PRKCH: variants seen among roughly 807,000 people sequenced by gnomAD.
The protein encoded by PRKCH is protein kinase C eta type.
PRKCH carries 28 observed loss-of-function variants against 82.5 expected under a neutral mutation model. The observed-to-expected ratio is 0.34, with a 90% CI of 0.25 to 0.47. PRKCH has a LOEUF of 0.47. PRKCH is among the 20% of genes least tolerant of loss of function. The probability of loss-of-function intolerance (pLI) is 1.00; values close to 1 mark genes in which losing one functional copy is unlikely to be tolerated. For missense variants in PRKCH, 705 were observed against 881.8 expected (o/e 0.80, Z 2.54); for synonymous variants, 322 against 327.4 (o/e 0.98, Z 0.18).
chr14:61,401,028 A>G (rs1312824686), intron 2 of PRKCH, among the ~76,000 whole-genome samples: 2 of 152,130 alleles, frequency 1.3e-5, no homozygotes, highest in Non-Finnish European at 2.9e-5. Context: ...TCCTCAGGAT[A>G]GCATAATCCC....
Position 61,225,463 on chromosome 14 carries a change from C to T in PRKCH, c.-19+37795C>T, listed in dbSNP as rs79846424. Among the ~76,000 whole-genome samples the T allele has an allele frequency of 6.0e-3, 916 of 152,246 alleles. 31 individuals carry two copies. The East Asian group carries it at 0.1, about 17-fold the overall frequency. On this transcript the variant is annotated intron_variant, in intron 1 of 3. Coordinates refer to the PRKCH transcript ENST00000555185. Reference sequence around the variant, plus strand: ...TGGATGGACCCAAGCAGGCAGCTCCCGATGGTAAAGGCGGTGTGCTGTGAA... The same window carrying T: ...TGGATGGACCCAAGCAGGCAGCTCCTGATGGTAAAGGCGGTGTGCTGTGAA...
chr14:61,391,310 T>G, intron 2 of PRKCH, 22 bp downstream of exon 2: 4 of 1,572,136 alleles, frequency 2.5e-6, no homozygotes, highest in Non-Finnish European at 3.5e-6. Context: ...TTTTGGGTAG[T>G]TTCCAGAATA....
intron 10 of PRKCH, among the ~76,000 whole-genome samples, chr14:61,502,740 TG>T (rs1256417852): frequency 6.6e-6 from 1 of 152,082 alleles, no homozygotes; most frequent in Non-Finnish European, 1.5e-5. Flanking sequence ...TAAGAACAGA[TG>T]GGAGCAGCCC....
chr14:61,498,576 G>C (rs546690515), intron 10 of PRKCH, among the ~76,000 whole-genome samples: 1 of 152,248 alleles, frequency 6.6e-6, no homozygotes, highest in Middle Eastern at 3.4e-3. Flanking sequence ...TCTGGAGACT[G>C]GGAATTCCAA....
intron 1 of PRKCH, among the ~76,000 whole-genome samples, chr14:61,388,147 CAAAAAAAAAAAAAAAA>C (rs569642184): frequency 1.1e-5 from 1 of 87,922 alleles, no homozygotes; most frequent in Non-Finnish European, 2.4e-5. Context: ...GACTCTGTCT[CAAAAAAAAAAAAAAAA>C]AAAAAGAAAG....
chr14:61,368,487 G>T (rs1032002031), intron 1 of PRKCH, among the ~76,000 whole-genome samples: 2 of 152,034 alleles, frequency 1.3e-5, no homozygotes, highest in African/African-American at 4.8e-5. Context: ...ACTGAACTGC[G>T]AGGAAAGGCT....
chr14:61,402,461 G>C (rs1184229168), intron 2 of PRKCH, among the ~76,000 whole-genome samples: 2 of 152,144 alleles, frequency 1.3e-5, no homozygotes, highest in East Asian at 3.8e-4. Context: ...ACTTCAACTA[G>C]AACAACATTA....
In PRKCH at chr14:61,322,195, T is replaced by C. The variant is rs1054017071; in HGVS notation, c.94T>C (p.Ser32Pro). 4 of 1,612,644 alleles carry C rather than the reference T, an allele frequency of 2.5e-6. No homozygotes were observed. Among genetic ancestry groups the C allele is most frequent in the Non-Finnish European group, 1.7e-6 (2 of 1,179,550 alleles). Residue 32 changes from serine to proline, a missense_variant, in exon 1 of 14, where the codon TCG becomes CCG. Around this residue, in one of 5 missense-constraint regions of PRKCH, gnomAD observed 246 missense variants for 308.0 expected, o/e 0.80. Transcript: ENST00000332981. ...LQPTRWSLRHSLFKKGHQLLD... is the reference protein window; with the variant it reads ...LQPTRWSLRHPLFKKGHQLLD... ...GCCCACCCGCTGGTCCCTGCGCCAC[T>C]CGCTCTTCAAGAAGGGCCACCAGCT...
chr14:61,447,066 AG>A (rs1446497803), intron 4 of PRKCH, among the ~76,000 whole-genome samples: 1 of 152,178 alleles, frequency 6.6e-6, no homozygotes, highest in Non-Finnish European at 1.5e-5. Context: ...GGTTGGAGAG[AG>A]GTATGCCATT....
Position 61,322,318 on chromosome 14 carries a change from T to C in PRKCH, c.217T>C (p.Cys73Arg). The C allele has an allele frequency of 1.2e-6, 2 of 1,613,250 alleles. No homozygotes were observed. Among genetic ancestry groups the C allele is most frequent in the Non-Finnish European group, 1.7e-6 (2 of 1,179,846 alleles). Reference sequence around the variant, plus strand: ...CAAACCCACGTACAACGAGGAGTTTTGCGCTAACGTCACCGACGGCGGCCA... The same window carrying C: ...CAAACCCACGTACAACGAGGAGTTTCGCGCTAACGTCACCGACGGCGGCCA... The part of the protein sequence containing the change: ...TNKPTYNEEF[C>R]ANVTDGGHLE... Residue 73 changes from cysteine (C) to arginine (R), a missense_variant, in exon 1 of 14, where the codon TGC becomes CGC. Coordinates refer to ENST00000332981, the MANE Select transcript of PRKCH (RefSeq NM_006255.5).
At chr14:61,520,035 A>T (rs542069626) in intron 10 of PRKCH, among the ~76,000 whole-genome samples, 29 of 151,356 alleles carry the variant, frequency 1.9e-4, no homozygotes, top group African/African-American at 7.1e-4. Flanking sequence ...TTCCCTGCAC[A>T]TCTTCCTTGG....
At chr14:61,386,356 C>A (rs749225026) in intron 1 of PRKCH, among the ~76,000 whole-genome samples, 1 of 152,186 alleles carries the variant, frequency 6.6e-6, no homozygotes, top group African/African-American at 2.4e-5. Flanking sequence ...ATTTTTGAAA[C>A]ATGTCACTGG....
rs767180993 is a variant in PRKCH at position 61,547,730 on chromosome 14, C to T, written c.1762-13C>T. On this transcript the variant is annotated splice_polypyrimidine_tract_variant and intron_variant, in intron 12 of 13. Transcript: ENST00000332981. ...TGAATGAATGATTGACACTTTCTCT[C>T]TCTCTCACTCAGTTCATGACCAAGA... is the stretch of plus-strand genomic sequence containing the variant. 3.7e-6 allele frequency: 6 copies of T among 1,608,076 alleles called. No homozygotes were observed. Among genetic ancestry groups the T allele is most frequent in the Non-Finnish European group, 5.1e-6 (6 of 1,176,026 alleles).
At chr14:61,316,858 C>A (rs1161636096), upstream of PRKCH, among the ~76,000 whole-genome samples, 1 of 152,148 alleles carries the variant, frequency 6.6e-6, no homozygotes, top group Non-Finnish European at 1.5e-5. Flanking sequence ...TGATGACCAT[C>A]TTCCCTGGCT....
At chr14:61,261,976 C>G (rs1200844705) in intron 1 of PRKCH, among the ~76,000 whole-genome samples, 1 of 152,014 alleles carries the variant, frequency 6.6e-6, no homozygotes, top group Non-Finnish European at 1.5e-5. Context: ...AATCCTAGCA[C>G]TTTGGGAGGC....
chr14:61,387,162 GT>G (rs1400140815), intron 1 of PRKCH, among the ~76,000 whole-genome samples: 1 of 152,226 alleles, frequency 6.6e-6, no homozygotes, highest in Non-Finnish European at 1.5e-5. Context: ...AGGATTCCTA[GT>G]TGGACCTACT....
At chr14:61,486,706 G>A (rs1324763786) in intron 10 of PRKCH, among the ~76,000 whole-genome samples, 1 of 140,718 alleles carries the variant, frequency 7.1e-6, no homozygotes, top group African/African-American at 2.8e-5. Flanking sequence ...TTAAGACAGT[G>A]TCTTGCTATT....
intron 1 of PRKCH, among the ~76,000 whole-genome samples, chr14:61,330,590 A>G (rs1399466138): frequency 6.6e-6 from 1 of 152,246 alleles, no homozygotes; most frequent in Non-Finnish European, 1.5e-5. Flanking sequence ...ACAACAACAA[A>G]AAGCCTGATA....
intron 1 of PRKCH, among the ~76,000 whole-genome samples, chr14:61,292,116 T>A (rs947804738): frequency 6.6e-6 from 1 of 151,766 alleles, no homozygotes; most frequent in East Asian, 1.9e-4. Context: ...AGGAGGAGAG[T>A]TAAAAAATTA....
Sources: gnomAD v4.1 joint callset for allele counts (sites outside exome capture counted in the v4.1 genomes callset) on GRCh38, gnomAD v4.1.1 for gene constraint, gnomAD v4.1.1 regional missense constraint, MANE v1.5 for transcripts, NCBI Gene and HGNC (gene_info 2026-07-23, HGNC 2026-07-21) for gene names.